The following HUNK variants were observed in gnomAD, a reference collection of about 807,000 sequenced individuals.
HUNK encodes hormonally up-regulated Neu-associated kinase.
A neutral mutation model predicts 61.0 loss-of-function variants in HUNK; 21 were observed. The observed-to-expected ratio is 0.34, with a 90% CI of 0.24 to 0.50. The LOEUF (loss-of-function observed/expected upper bound fraction) is 0.50, where lower values mean the gene tolerates loss of function less well. Among genes scored for constraint, HUNK ranks in the 20% least tolerant of loss-of-function variants. The pLI is 0.98. For synonymous variants in HUNK, 371 were observed against 386.1 expected, an observed-to-expected ratio of 0.96 and a Z score of 0.46; for missense variants, 772 against 945.7, an observed-to-expected ratio of 0.82 and a Z score of 2.41.
intron 1 of HUNK, among the ~76,000 whole-genome samples, chr21:31,881,820 C>T (rs1166848993): frequency 2.6e-5 from 4 of 152,270 alleles, no homozygotes; most frequent in East Asian, 1.9e-4. Flanking sequence ...AGGGAGCAGC[C>T]GGCGTGGCAT....
intron 1 of HUNK, among the ~76,000 whole-genome samples, chr21:31,908,322 G>GT (rs2052521798): frequency 6.6e-6 from 1 of 152,030 alleles, no homozygotes; most frequent in African/African-American, 2.4e-5. Flanking sequence ...GACGATGACC[G>GT]TAACTGTCTT....
intron 2 of HUNK, among the ~76,000 whole-genome samples, chr21:31,934,746 A>T (rs2052721154): frequency 6.6e-6 from 1 of 152,164 alleles, no homozygotes. Flanking sequence ...ACTTACAAGG[A>T]AGAACATGCA....
chr21:31,929,109 T>C (rs762506824), intron 2 of HUNK, among the ~76,000 whole-genome samples: 63 of 152,184 alleles, frequency 4.1e-4, no homozygotes, highest in Non-Finnish European at 7.8e-4. Flanking sequence ...TAGGCTGATA[T>C]TATGTTATTA....
At chr21:31,990,274 T>A in intron 9 of HUNK, 98 bp downstream of exon 9, 1 of 1,175,704 alleles carries the variant, frequency 8.5e-7, no homozygotes, top group East Asian at 2.4e-5. Flanking sequence ...GAGATTTATT[T>A]TAAGGAGTTG....
intron 1 of HUNK, among the ~76,000 whole-genome samples, chr21:31,917,661 T>G (rs1387025716): frequency 7.0e-6 from 1 of 143,286 alleles, no homozygotes; most frequent in Non-Finnish European, 1.5e-5. Flanking sequence ...ACATCCAGGC[T>G]TAGATACCCT....
intron 8 of HUNK, among the ~76,000 whole-genome samples, chr21:31,987,537 A>G (rs1161567355): frequency 6.6e-6 from 1 of 152,168 alleles, no homozygotes; most frequent in Non-Finnish European, 1.5e-5. Context: ...CCCTTCTTTC[A>G]TCTCGATTCC....
intron 2 of HUNK, among the ~76,000 whole-genome samples, chr21:31,926,109 G>C (rs1327935953): frequency 6.6e-6 from 1 of 151,978 alleles, no homozygotes; most frequent in Non-Finnish European, 1.5e-5. Context: ...GTAGAGATGG[G>C]CTTTCTCCAT....
chr21:31,873,808 CCCGCGAGCGGCT>C lies in HUNK; in HGVS notation c.141_152del (p.Glu47_Arg50del), dbSNP rs2052234967. 1 of 1,569,018 alleles carries C rather than the reference CCCGCGAGCGGCT, an allele frequency of 6.4e-7. No homozygotes were observed. The highest frequency in any genetic ancestry group is 1.4e-5 in the African/African-American group (1 of 71,252). ...CTGCCTGCCTGGGTGAGCGGCGTGC[CCCGCGAGCGGCT>C]CCGCGACTTCCAGCACCACAAGCGC... is the stretch of plus-strand genomic sequence containing the variant. On this transcript the variant is annotated inframe_deletion, in exon 1 of 11. Coordinates refer to ENST00000270112, the MANE Select transcript of HUNK (RefSeq NM_014586.2). This position sits in a 1 kb window ranked among gnomAD's most constrained non-coding sequence, Gnocchi z 6.1.
intron 9 of HUNK, among the ~76,000 whole-genome samples, 199 bp downstream of exon 9, chr21:31,990,375 T>C (rs562298228): frequency 2.0e-5 from 3 of 151,646 alleles, no homozygotes; most frequent in African/African-American, 7.2e-5. Context: ...GCTTCAAGTC[T>C]GAAGGCCATC....
intron 1 of HUNK, among the ~76,000 whole-genome samples, chr21:31,882,152 T>A (rs554595243): frequency 6.6e-6 from 1 of 152,130 alleles, no homozygotes; most frequent in South Asian, 2.1e-4. Context: ...AGTAACAGTT[T>A]GGGACATTCT....
intron 2 of HUNK, among the ~76,000 whole-genome samples, chr21:31,938,497 A>G (rs1342310005): frequency 7.1e-6 from 1 of 140,014 alleles, no homozygotes; most frequent in East Asian, 2.1e-4. Flanking sequence ...GTCCCCGTTA[A>G]GTGGGGCACT....
At chr21:31,983,399 A>AT (rs2053111752) in intron 7 of HUNK, 127 bp from the exon 8 acceptor site, 1 of 736,794 alleles carries the variant, frequency 1.4e-6, no homozygotes, top group East Asian at 2.6e-5. Flanking sequence ...TGATGTTGCA[A>AT]TTTACTGGAC....
intron 1 of HUNK, among the ~76,000 whole-genome samples, chr21:31,917,695 T>C (rs73900718): frequency 0.02 from 1,863 of 94,838 alleles, 49 homozygotes; most frequent in South Asian, 0.045. Flanking sequence ...TTCCCAAACA[T>C]ACACACACAC....
At chr21:31,913,669 G>T (rs1019473842) in intron 1 of HUNK, among the ~76,000 whole-genome samples, 1 of 151,948 alleles carries the variant, frequency 6.6e-6, no homozygotes, top group Non-Finnish European at 1.5e-5. Context: ...GTGTGAGCAG[G>T]ACAGGCATTG....
At chr21:31,959,288 G>A (rs2052911732) in intron 5 of HUNK, among the ~76,000 whole-genome samples, 1 of 152,114 alleles carries the variant, frequency 6.6e-6, no homozygotes, top group Non-Finnish European at 1.5e-5. Context: ...AGGCTTGATT[G>A]TTTTAAAACT....
intron 4 of HUNK, among the ~76,000 whole-genome samples, chr21:31,956,812 A>AT (rs148860113): frequency 0.038 from 5,742 of 152,236 alleles, 352 homozygotes; most frequent in African/African-American, 0.13. Context: ...CTTATACAAT[A>AT]TAACTACTCC....
chr21:31,998,977 C>T lies in HUNK; in HGVS notation c.1938C>T (p.Gly646=), dbSNP rs756085668. The change falls in exon 11 of 11, where the codon GGC becomes GGT. Residue 646 remains glycine, a synonymous_variant. Transcript: ENST00000270112. ...GCCCACCTCCGGTTCCCAGCAATGGCCCCATGCAGCCTCTGGGGAGCCCCA... is the reference window on the plus strand; with the variant it reads ...GCCCACCTCCGGTTCCCAGCAATGGTCCCATGCAGCCTCTGGGGAGCCCCA... ...LCCPPPVPSN[G]PMQPLGSPNC... The T allele has an allele frequency of 4.3e-6, 7 of 1,614,088 alleles. No homozygotes were observed. In the East Asian group the frequency reaches 1.3e-4, roughly 31 times the overall value.
rs1033347241 is a variant in HUNK at position 31,999,276 on chromosome 21, C to T, written c.*92C>T. On this transcript the variant is annotated 3_prime_UTR_variant, in exon 11 of 11. Coordinates refer to ENST00000270112, the MANE Select transcript of HUNK (RefSeq NM_014586.2). Reference sequence around the variant, plus strand: ...AGGGTGTGAGCACTCCAAGGCCTCGCGTGGAGCATCCTTAGTCCCACCTGT... The same window carrying T: ...AGGGTGTGAGCACTCCAAGGCCTCGTGTGGAGCATCCTTAGTCCCACCTGT... The T allele has an allele frequency of 1.1e-5, 13 of 1,179,526 alleles. No homozygotes were observed. Among genetic ancestry groups the T allele is most frequent in the South Asian group, 4.5e-5 (3 of 66,812 alleles). 73.1% of individuals were successfully genotyped at this position (1,179,526 alleles called of 1,614,324 possible).
chr21:31,889,154 A>G (rs2052369351), intron 1 of HUNK, among the ~76,000 whole-genome samples: 1 of 152,206 alleles, frequency 6.6e-6, no homozygotes, highest in Non-Finnish European at 1.5e-5. Context: ...GAATGAACAC[A>G]GATTACTTAT....
Sources: allele counts gnomAD v4.1 joint callset (sites outside exome capture counted in the v4.1 genomes callset), GRCh38; gene constraint gnomAD v4.1.1; non-coding constraint Gnocchi (gnomAD v3.1); transcripts MANE v1.5; gene names NCBI Gene and HGNC (gene_info 2026-07-23, HGNC 2026-07-21).